The following PHF20 variants were observed in gnomAD, a reference collection of about 807,000 sequenced individuals.
PHF20 encodes the protein PHD finger protein 20.
PHF20 carries 23 observed loss-of-function variants against 113.5 expected under a neutral mutation model. The ratio of observed to expected loss-of-function variants is 0.20; its 90% CI spans 0.15 to 0.29. PHF20 has a LOEUF of 0.29. Among genes scored for constraint, PHF20 ranks in the 10% least tolerant of loss-of-function variants. PHF20 has a pLI of 1.00. For synonymous variants in PHF20, 434 were observed against 457.3 expected (o/e 0.95, Z 0.65); for missense variants, 943 against 1,219.6 (o/e 0.77, Z 3.38).
chr20:35,779,313 G>A (rs2041238175), intron 1 of PHF20, among the ~76,000 whole-genome samples: 1 of 151,982 alleles, frequency 6.6e-6, no homozygotes, highest in Admixed American at 6.6e-5. Flanking sequence ...AGGTTTACAG[G>A]TGTGAGCCAC....
intron 2 of PHF20, among the ~76,000 whole-genome samples, chr20:35,806,795 T>C (rs979023466): frequency 6.9e-6 from 1 of 145,532 alleles, no homozygotes; most frequent in Admixed American, 6.8e-5. Flanking sequence ...TTTACTCTTT[T>C]TTTTTTTTTT....
intron 1 of PHF20, among the ~76,000 whole-genome samples, chr20:35,786,563 T>G (rs1197013274): frequency 6.8e-6 from 1 of 147,394 alleles, no homozygotes; most frequent in African/African-American, 2.5e-5. Flanking sequence ...TTAGCCCAGT[T>G]TGGTGGTGCA....
At chr20:35,842,462 A>C in intron 2 of PHF20, 111 bp from the exon 3 acceptor site, 30 of 865,520 alleles carry the variant, frequency 3.5e-5, no homozygotes, top group Non-Finnish European at 4.9e-5. Flanking sequence ...TCTAAACGGT[A>C]GGCCTGGTAA....
At chr20:35,777,553 C>T (rs191492131) in intron 1 of PHF20, among the ~76,000 whole-genome samples, 11 of 152,216 alleles carry the variant, frequency 7.2e-5, no homozygotes, top group African/African-American at 2.2e-4. Context: ...CAGTGGCTTA[C>T]GCCTGTAATC....
chr20:35,903,803 G>C (rs944675549), intron 10 of PHF20, among the ~76,000 whole-genome samples: 1 of 152,142 alleles, frequency 6.6e-6, no homozygotes, highest in Non-Finnish European at 1.5e-5. Flanking sequence ...TGTTTATCAC[G>C]TAGCTGGCTA....
intron 1 of PHF20, among the ~76,000 whole-genome samples, chr20:35,787,562 C>T (rs1381889197): frequency 6.8e-6 from 1 of 147,564 alleles, no homozygotes. Context: ...AATCTCTGCT[C>T]ACTGCAATCT....
In PHF20 at chr20:35,805,443, C is replaced by T. The variant is rs541248684; in HGVS notation, c.83+3838C>T. On this transcript the variant is annotated intron_variant, in intron 2 of 17. Coordinates refer to ENST00000374012, the MANE Select transcript of PHF20 (RefSeq NM_016436.5). ...TGTCGCCCAGGCTGGAGTGCAGTGG[C>T]GCAATCTCGGCTCACTGCAAGCTCC... Among the ~76,000 whole-genome samples the T allele has an allele frequency of 4.5e-4, 68 of 150,666 alleles. 2 individuals are homozygous for T. The South Asian group carries it at 0.013, about 28-fold the overall frequency.
At position 35,801,510 on chromosome 20, in the gene PHF20, T is replaced by C. The variant is rs2092915658; in HGVS notation, c.-13T>C. On this transcript the variant is annotated 5_prime_UTR_variant, in exon 2 of 18. Coordinates refer to ENST00000374012, the MANE Select transcript of PHF20 (RefSeq NM_016436.5). ...TTTCAGGAGAATAAAGGCAGCCCCG[T>C]TGATGACTGAAAATGACAAAGCATC... 8 of 1,605,030 alleles carry C rather than the reference T, an allele frequency of 5.0e-6. No homozygotes were observed. Among genetic ancestry groups the C allele is most frequent in the African/African-American group, 2.7e-5 (2 of 74,658 alleles).
In PHF20 at chr20:35,869,571, A is replaced by G. The variant is rs753048764; in HGVS notation, c.922+20A>G. The G allele has an allele frequency of 3.1e-6, 4 of 1,295,940 alleles. No individual in the cohort carries two copies. In the South Asian group the frequency reaches 3.6e-5, roughly 12 times the overall value. 80.3% of individuals were successfully genotyped at this position (1,295,940 alleles called of 1,614,324 possible). On this transcript the variant is annotated intron_variant, in intron 7 of 17. Transcript: ENST00000374012. Reference sequence around the variant, plus strand: ...ATTCATGTGAGTCTACAGTTTGTTTATGTGTGGCTAGAATTTGACGTTGTT... The same window carrying G: ...ATTCATGTGAGTCTACAGTTTGTTTGTGTGTGGCTAGAATTTGACGTTGTT...
rs2041199414 is a variant in PHF20, at chr20:35,777,549, C to T, written c.-33+5470C>T. 2.0e-5 allele frequency among the ~76,000 whole-genome samples: 3 copies of T among 152,342 alleles called. No homozygotes were observed. The South Asian group carries it at 6.2e-4, about 32-fold the overall frequency. ...ACTCGTGGTTGGGTGGGTGCAGTGG[C>T]TTACGCCTGTAATCCCAACACTTTG... On this transcript the variant is annotated intron_variant, in intron 1 of 17. Coordinates refer to ENST00000374012, the MANE Select transcript of PHF20 (RefSeq NM_016436.5).
At chr20:35,919,883 C>T (rs1474288567) in intron 13 of PHF20, among the ~76,000 whole-genome samples, 1 of 152,214 alleles carries the variant, frequency 6.6e-6, no homozygotes, top group African/African-American at 2.4e-5. Context: ...AATTCCTCTG[C>T]TGGTCTTCCT....
intron 6 of PHF20, among the ~76,000 whole-genome samples, chr20:35,866,480 A>G (rs1600847208): frequency 6.6e-6 from 1 of 152,290 alleles, no homozygotes; most frequent in East Asian, 1.9e-4. Context: ...GAAGTTTTAA[A>G]CCTCCAGGCT....
chr20:35,855,191 G>T, intron 4 of PHF20: 1 of 1,099,522 alleles, frequency 9.1e-7, no homozygotes, highest in African/African-American at 1.7e-5. Context: ...TTGCTTGAGA[G>T]GGTTCTGTTT....
At chr20:35,909,335 T>C (rs2055256011) in intron 10 of PHF20, among the ~76,000 whole-genome samples, 1 of 151,922 alleles carries the variant, frequency 6.6e-6, no homozygotes, top group Non-Finnish European at 1.5e-5. Context: ...GGGGGTGTTA[T>C]CTGTCTTTGT....
At chr20:35,808,724 CACCACG>C (rs1464895919) in intron 2 of PHF20, among the ~76,000 whole-genome samples, 1 of 151,860 alleles carries the variant, frequency 6.6e-6, no homozygotes, top group Non-Finnish European at 1.5e-5. Context: ...AGGCGCCCGC[CACCACG>C]CCTGGCTAAT....
At chr20:35,834,661 G>T (rs2042409566) in intron 2 of PHF20, among the ~76,000 whole-genome samples, 1 of 152,038 alleles carries the variant, frequency 6.6e-6, no homozygotes, top group Admixed American at 6.6e-5. Flanking sequence ...TTCTCTTTGG[G>T]CTCTTGCCAC....
chr20:35,847,812 G>A (rs1351143427), intron 4 of PHF20, among the ~76,000 whole-genome samples: 1 of 152,180 alleles, frequency 6.6e-6, no homozygotes, highest in Non-Finnish European at 1.5e-5. Flanking sequence ...TAAAAAATGT[G>A]CTTTCTAGAT....
rs559857315 is a variant in PHF20, at chr20:35,934,826, G to A, written c.2300+3382G>A. On this transcript the variant is annotated intron_variant, in intron 15 of 17. Coordinates refer to ENST00000374012, the MANE Select transcript of PHF20 (RefSeq NM_016436.5). Reference sequence around the variant, plus strand: ...GTTGAGGTGAACTGAACCAAATGACGGCCCTGGATAGGATGTCAGAGACTA... The same window carrying A: ...GTTGAGGTGAACTGAACCAAATGACAGCCCTGGATAGGATGTCAGAGACTA... Among the ~76,000 whole-genome samples the A allele has an allele frequency of 1.7e-3, 262 of 152,254 alleles. 2 individuals carry two copies. The highest frequency in any genetic ancestry group is 3.4e-3 in the African/African-American group (140 of 41,546).
intron 2 of PHF20, among the ~76,000 whole-genome samples, chr20:35,826,597 G>A (rs2042266263): frequency 6.6e-6 from 1 of 152,212 alleles, no homozygotes; most frequent in Admixed American, 6.5e-5. Flanking sequence ...AATATTCAGG[G>A]CTTGAAAGAA....
Sources: gnomAD v4.1 joint callset for allele counts (sites outside exome capture counted in the v4.1 genomes callset) on GRCh38, gnomAD v4.1.1 for gene constraint, MANE v1.5 for transcripts, NCBI Gene and HGNC (gene_info 2026-07-23, HGNC 2026-07-21) for gene names.